The following CHL1 variants were observed in gnomAD, a reference collection of about 807,000 sequenced individuals.
The protein encoded by CHL1 is neural cell adhesion molecule L1-like protein.
A neutral mutation model predicts 141.9 loss-of-function variants in CHL1; 96 were observed. The observed-to-expected ratio is 0.68, with a 90% confidence interval of 0.57 to 0.80. CHL1 has a LOEUF of 0.80. CHL1 is among the 30% of genes least tolerant of loss of function. The pLI, the probability that CHL1 is intolerant of heterozygous loss-of-function variation, is 0.00. For synonymous variants in CHL1, 613 were observed against 502.2 expected, an observed-to-expected ratio of 1.22 and a Z score of -2.95; for missense variants, 1,820 against 1,457.2, an observed-to-expected ratio of 1.25 and a Z score of -4.05.
intron 1 of CHL1, among the ~76,000 whole-genome samples, chr3:206,019 C>G (rs967525157): frequency 2.6e-5 from 4 of 152,110 alleles, no homozygotes; most frequent in Admixed American, 1.3e-4. Context: ...CAGCTATGGT[C>G]TTCACTATGG....
chr3:228,058 G>A (rs1031913198), intron 1 of CHL1, among the ~76,000 whole-genome samples: 1 of 152,048 alleles, frequency 6.6e-6, no homozygotes, highest in African/African-American at 2.4e-5. Flanking sequence ...ACAGCTTTTC[G>A]ATAGAGGCAA....
chr3:371,330 G>T (rs56952850), intron 15 of CHL1, among the ~76,000 whole-genome samples: 3,573 of 152,038 alleles, frequency 0.024, 103 homozygotes, highest in African/African-American at 0.067. Context: ...TAACTCTTCT[G>T]GTTGAATTGT....
intron 2 of CHL1, among the ~76,000 whole-genome samples, chr3:288,104 G>T (rs902126875): frequency 1.3e-5 from 2 of 152,050 alleles, no homozygotes; most frequent in Admixed American, 6.6e-5. Context: ...ATTTTACTTG[G>T]ATTCTGATTG....
At position 391,800 on chromosome 3, in the gene CHL1, A is replaced by G. The variant is rs928102631; in HGVS notation, c.2914+3A>G. On this transcript the variant is annotated splice_donor_region_variant and intron_variant, in intron 23 of 27. Transcript: ENST00000256509. ...CTATCTTTTGCAATATCAGATAAGTAAGTAGAAATTTGAATTGGAGTTAAC... is the reference window on the plus strand; with the variant it reads ...CTATCTTTTGCAATATCAGATAAGTGAGTAGAAATTTGAATTGGAGTTAAC... The G allele has an allele frequency of 6.3e-7, 1 of 1,578,458 alleles. No individual in the cohort carries two copies. Among genetic ancestry groups the G allele is most frequent in the African/African-American group, 1.4e-5 (1 of 72,898 alleles).
chr3:361,064 G>A (rs1488660924), intron 12 of CHL1, among the ~76,000 whole-genome samples: 3 of 152,066 alleles, frequency 2.0e-5, no homozygotes, highest in Non-Finnish European at 2.9e-5. Context: ...GTGTGCAGGT[G>A]TCTTTATAGC....
At chr3:243,424 A>T (rs1201894339) in intron 1 of CHL1, among the ~76,000 whole-genome samples, 1 of 152,160 alleles carries the variant, frequency 6.6e-6, no homozygotes, top group African/African-American at 2.4e-5. Context: ...GTCATCCATA[A>T]ACATTTCTGC....
intron 10 of CHL1, among the ~76,000 whole-genome samples, chr3:353,136 A>C (rs1408438208): frequency 6.6e-6 from 1 of 152,206 alleles, no homozygotes; most frequent in African/African-American, 2.4e-5. Context: ...AATATTACTA[A>C]TAGTCCTAAT....
At chr3:248,743 G>A (rs1177506698) in intron 2 of CHL1, 2 of 151,930 alleles carry the variant, frequency 1.3e-5, no homozygotes, top group South Asian at 2.1e-4. Flanking sequence ...CAGTTCCTCA[G>A]TTGCTACTGC....
intron 2 of CHL1, among the ~76,000 whole-genome samples, chr3:250,583 A>C (rs1331520676): frequency 6.6e-6 from 1 of 152,124 alleles, no homozygotes; most frequent in Non-Finnish European, 1.5e-5. Flanking sequence ...CCCTCACAAA[A>C]GGAAGTGTAT....
chr3:229,920 C>T (rs1701708588), intron 1 of CHL1, among the ~76,000 whole-genome samples: 1 of 152,178 alleles, frequency 6.6e-6, no homozygotes, highest in Non-Finnish European at 1.5e-5. Flanking sequence ...AGCACATGGT[C>T]TCTCAAAGGG....
intron 1 of CHL1, among the ~76,000 whole-genome samples, chr3:242,725 C>T (rs1182082139): frequency 1.3e-5 from 2 of 151,662 alleles, no homozygotes; most frequent in Admixed American, 6.6e-5. Context: ...AGATTAGTAG[C>T]AAGGAACTTA....
At chr3:372,390 G>C (rs1023917526) in intron 15 of CHL1, among the ~76,000 whole-genome samples, 3 of 151,970 alleles carry the variant, frequency 2.0e-5, no homozygotes, top group Non-Finnish European at 2.9e-5. Context: ...TCTTCCACTT[G>C]GTAGCTTTGG....
At chr3:261,160 T>C (rs1247086208) in intron 2 of CHL1, among the ~76,000 whole-genome samples, 1 of 152,176 alleles carries the variant, frequency 6.6e-6, no homozygotes, top group African/African-American at 2.4e-5. Flanking sequence ...CAAGACTGTG[T>C]AACCCAAGTG....
At chr3:327,707 T>C (rs1434807674) in intron 4 of CHL1, among the ~76,000 whole-genome samples, 2 of 151,924 alleles carry the variant, frequency 1.3e-5, no homozygotes, top group African/African-American at 4.8e-5. Context: ...TTGGCCAAAT[T>C]ATATATTCAG....
At position 325,967 on chromosome 3, in the gene CHL1, G is replaced by A. The variant is rs755600043; in HGVS notation, c.100G>A (p.Val34Ile). The A allele has an allele frequency of 4.4e-6, 7 of 1,606,090 alleles. No individual in the cohort carries two copies. The African/African-American group carries it at 5.4e-5, about 12-fold the overall frequency. The change falls in exon 4 of 28, where the codon GTT becomes ATT. Residue 34 changes from valine (V) to isoleucine (I), a missense_variant. Coordinates refer to ENST00000256509, the MANE Select transcript of CHL1 (RefSeq NM_006614.4). ...AIEIPSSVQQ[V>I]PTIIKQSKVQ... ...CATATTTTAATATTTAGTTCAACAG[G>A]TTCCAACAATCATAAAACAGTCAAA...
chr3:400,542 T>G (rs1351888705), intron 26 of CHL1, among the ~76,000 whole-genome samples: 2 of 149,754 alleles, frequency 1.3e-5, no homozygotes, highest in African/African-American at 2.4e-5. Context: ...GGTCTCTGCA[T>G]GTAGTCGTAA....
intron 2 of CHL1, among the ~76,000 whole-genome samples, chr3:283,247 A>G (rs1696822142): frequency 6.6e-6 from 1 of 152,254 alleles, no homozygotes; most frequent in Non-Finnish European, 1.5e-5. Context: ...CATTCAATGC[A>G]GAAATTAGCC....
At position 363,728 on chromosome 3, in the gene CHL1, G is replaced by A. The variant is rs142757286; in HGVS notation, c.1585+345G>A. ...TCAAGGTAATGGTAACAGTAATCAA[G>A]TTTTTGAGCTAAAGATTTCACAAAC... On this transcript the variant is annotated intron_variant, in intron 14 of 27. Transcript: ENST00000256509. 333 of 171,644 alleles carry A rather than the reference G, an allele frequency of 1.9e-3. 2 individuals carry two copies. Among genetic ancestry groups the A allele is most frequent in the African/African-American group, 7.5e-3 (316 of 41,956 alleles). The allele number at this position is 171,644 out of a possible 1,614,324, so 10.6% of individuals were successfully genotyped here.
intron 1 of CHL1, among the ~76,000 whole-genome samples, chr3:214,498 G>A (rs542264411): frequency 2.0e-5 from 3 of 152,154 alleles, no homozygotes; most frequent in South Asian, 4.2e-4. Flanking sequence ...TACGTGCTAC[G>A]TTATCAATAT....
Sources: gnomAD v4.1 joint callset for allele counts (sites outside exome capture counted in the v4.1 genomes callset) on GRCh38, gnomAD v4.1.1 for gene constraint, MANE v1.5 for transcripts, NCBI Gene and HGNC (gene_info 2026-07-23, HGNC 2026-07-21) for gene names.